Variants in FANCA observed in about 807,000 individuals in gnomAD.
FANCA encodes the protein Fanconi anemia group A protein.
Under a neutral mutation model 194.3 loss-of-function variants are expected in FANCA, and 236 were observed. The ratio of observed to expected loss-of-function variants is 1.21; its 90% CI spans 1.09 to 1.35. The LOEUF (loss-of-function observed/expected upper bound fraction) is 1.35, where lower values mean the gene tolerates loss of function less well. Ranked by LOEUF, FANCA falls within the 40% of genes most tolerant of loss-of-function variation. The pLI is 0.00. For synonymous variants in FANCA, 1,014 were observed against 715.8 expected (o/e 1.42, Z -6.65); for missense variants, 2,628 against 1,813.9 (o/e 1.45, Z -8.15).
intron 1 of FANCA, 50 bp from the exon 2 acceptor site, chr16:89,816,036 G>A (rs1368308881): frequency 6.9e-7 from 1 of 1,441,882 alleles, no homozygotes; most frequent in Admixed American, 1.7e-5. Context: ...TCACACACGG[G>A]GTCCCCGGCC....
At position 89,738,884 on chromosome 16, in the gene FANCA, C is replaced by A. The variant is rs984285795; in HGVS notation, c.4258G>T (p.Glu1420Ter). Residue 1420 changes from glutamate (E) to a stop codon, truncating the protein, a stop_gained and splice_region_variant, in exon 42 of 43, where the codon GAG becomes TAG. Coordinates refer to ENST00000389301, the MANE Select transcript of FANCA (RefSeq NM_000135.4). LOFTEE classifies it low-confidence loss of function (END_TRUNC). ...CPKKSFSHVA[E>*]LLADRGDCDP... ...CAAGGTGGGCATCTTGACGTTACCT[C>A]TGCCACGTGTGAGAAGCTCTTTTTC... 1.9e-6 allele frequency: 3 copies of A among 1,614,264 alleles called. No individual in the cohort carries two copies. Among genetic ancestry groups the A allele is most frequent in the African/African-American group, 2.7e-5 (2 of 75,084 alleles).
Position 89,792,066 on chromosome 16 carries a change from G to C in FANCA, c.1086C>G (p.Leu362=). 1 of 1,614,148 alleles carries C rather than the reference G, an allele frequency of 6.2e-7. No homozygotes were observed. The highest frequency in any genetic ancestry group is 8.5e-7 in the Non-Finnish European group (1 of 1,180,020). Residue 362 remains leucine, a splice_region_variant and synonymous_variant, in exon 13 of 43, where the codon CTC becomes CTG. Coordinates refer to ENST00000389301, the MANE Select transcript of FANCA (RefSeq NM_000135.4). ...HPLLTSLYRR[L]FVMLSAEELV... ...ACTCCTCTGCACTCAGCATCACAAAGAGCTGAAATAAAAGCATCCGCTCCC... is the reference window on the plus strand; with the variant it reads ...ACTCCTCTGCACTCAGCATCACAAACAGCTGAAATAAAAGCATCCGCTCCC...
intron 29 of FANCA, among the ~76,000 whole-genome samples, chr16:89,759,879 G>A (rs935592806): frequency 2.0e-5 from 3 of 152,226 alleles, no homozygotes; most frequent in African/African-American, 7.2e-5. Context: ...GCTAGGGAGT[G>A]TGTGCTCTCC....
rs142833057 is a variant in FANCA, at chr16:89,746,615, G to T, written c.3482C>A (p.Thr1161Lys). The T allele has an allele frequency of 5.0e-6, 8 of 1,614,166 alleles. No homozygotes were observed. In the East Asian group the frequency reaches 1.8e-4, roughly 36 times the overall value. Reference sequence around the variant, plus strand: ...AGAGGTCAAAATTAAGGGGCATTTCGTCTGGCACTTGGCCAGTATGAAGTC... The same window carrying T: ...AGAGGTCAAAATTAAGGGGCATTTCTTCTGGCACTTGGCCAGTATGAAGTC... ...MVDFILAKCQ[T>K]KCPLILTSAL... The change falls in exon 35 of 43, where the codon ACG becomes AAG. Residue 1161 changes from threonine to lysine, a missense_variant. By Grantham distance (78) the Thr-to-Lys change is moderately conservative. Coordinates refer to ENST00000389301, the MANE Select transcript of FANCA (RefSeq NM_000135.4).
At chr16:89,759,197 G>A (rs554431699) in intron 29 of FANCA, among the ~76,000 whole-genome samples, 3 of 151,696 alleles carry the variant, frequency 2.0e-5, no homozygotes, top group Non-Finnish European at 2.9e-5. Flanking sequence ...GTGGGCGCCT[G>A]TAGTCCCAGC....
In FANCA at chr16:89,748,763, G is replaced by A. The variant is rs2038477938; in HGVS notation, c.3244C>T (p.Leu1082Phe). 3.1e-6 allele frequency: 5 copies of A among 1,613,718 alleles called. No homozygotes were observed. Among genetic ancestry groups the A allele is most frequent in the Middle Eastern group, 1.7e-4 (1 of 6,060 alleles). Residue 1082 changes from leucine to phenylalanine, a missense_variant, in exon 33 of 43, where the codon CTC becomes TTC. By Grantham distance (22) the Leu-to-Phe change is conservative (BLOSUM62 0). Coordinates refer to ENST00000389301, the MANE Select transcript of FANCA (RefSeq NM_000135.4). ...QRELLMYKRILLRLPSSVLCG... is the reference protein window; with the variant it reads ...QRELLMYKRIFLRLPSSVLCG... ...AGGACAGACGAAGGCAGGCGGAGGAGGATCCTGGAAAGAAGGGGCTGTATT... is the reference window on the plus strand; with the variant it reads ...AGGACAGACGAAGGCAGGCGGAGGAAGATCCTGGAAAGAAGGGGCTGTATT...
chr16:89,794,724 A>G (rs1172610369), intron 11 of FANCA, among the ~76,000 whole-genome samples: 1 of 152,032 alleles, frequency 6.6e-6, no homozygotes, highest in Non-Finnish European at 1.5e-5. Flanking sequence ...TACCCTGGGG[A>G]TATGCTAGAT....
intron 11 of FANCA, among the ~76,000 whole-genome samples, chr16:89,794,056 T>C (rs1030794499): frequency 2.7e-5 from 4 of 150,198 alleles, no homozygotes; most frequent in African/African-American, 9.8e-5. Context: ...GGCCAAAAAG[T>C]TGTGTTTCAA....
At position 89,758,658 on chromosome 16, in the gene FANCA, G is replaced by T; in HGVS notation, c.2900C>A (p.Ser967Tyr). ...WAIHEHFLPE[S>Y]SASGGCDGDL... ...TCCGTCACAGCCCCCTGAAGCCGAG[G>T]ACTCAGGGAGAAAGTGCTCATGGAT... Residue 967 changes from serine (S) to tyrosine (Y), a missense_variant, in exon 30 of 43, where the codon TCC becomes TAC. Transcript: ENST00000389301. The T allele has an allele frequency of 6.2e-7, 1 of 1,614,068 alleles. No homozygotes were observed. The highest frequency in any genetic ancestry group is 1.1e-5 in the South Asian group (1 of 91,076).
intron 14 of FANCA, among the ~76,000 whole-genome samples, chr16:89,788,932 ACAC>A (rs1227772421): frequency 6.6e-6 from 1 of 152,108 alleles, no homozygotes; most frequent in Non-Finnish European, 1.5e-5. Flanking sequence ...CAAAACCAAA[ACAC>A]CACCACCAAC....
chr16:89,807,001 G>A (rs1025812899), intron 6 of FANCA, among the ~76,000 whole-genome samples: 23 of 152,030 alleles, frequency 1.5e-4, no homozygotes, highest in African/African-American at 4.8e-4. Context: ...CCTCCCTCCC[G>A]GACGGGGCGG....
intron 21 of FANCA, among the ~76,000 whole-genome samples, chr16:89,775,057 G>A (rs1232311188): frequency 6.6e-6 from 1 of 151,536 alleles, no homozygotes; most frequent in Non-Finnish European, 1.5e-5. Flanking sequence ...TCGCGCCACT[G>A]CAGTCCACAG....
intron 26 of FANCA, among the ~76,000 whole-genome samples, chr16:89,768,467 C>A (rs2039205771): frequency 6.6e-6 from 1 of 152,062 alleles, no homozygotes; most frequent in South Asian, 2.1e-4. Flanking sequence ...ACCAGCCTGG[C>A]CAACATGGCA....
chr16:89,770,507 A>G, intron 24 of FANCA, 57 bp downstream of exon 24: 1 of 1,504,466 alleles, frequency 6.6e-7, no homozygotes, highest in East Asian at 2.4e-5. Flanking sequence ...GACTTGGCCC[A>G]GCAAGAGGTG....
At chr16:89,775,195 C>A (rs944460592) in intron 21 of FANCA, among the ~76,000 whole-genome samples, 2 of 152,134 alleles carry the variant, frequency 1.3e-5, no homozygotes, top group Non-Finnish European at 2.9e-5. Flanking sequence ...AAGCCACACA[C>A]TTCAAGAAAA....
rs1162591065 is a variant in FANCA, at chr16:89,773,348, G to A, written c.1937C>T (p.Ala646Val). The change falls in exon 22 of 43, where the codon GCT becomes GTT. Residue 646 changes from alanine to valine, a missense_variant. Ala to Val is a moderately conservative substitution (Grantham distance 64). Transcript: ENST00000389301. ...TGTGAGCTGTCCCAGGGGCTCCTCA[G>A]CAGAGTTGGGTTCTGCCCTCACTCC... ...ALGVRAEPNS[A>V]EEPLGQLTAA... is the part of the protein sequence containing the mutation. 6.4e-7 allele frequency: 1 copy of A among 1,551,580 alleles called. No homozygotes were observed. Among genetic ancestry groups the A allele is most frequent in the Admixed American group, 2.0e-5 (1 of 51,004 alleles).
At chr16:89,770,065 C>A (rs2039269766) in intron 25 of FANCA, 41 bp from the exon 26 acceptor site, 1 of 1,601,562 alleles carries the variant, frequency 6.2e-7, no homozygotes, top group Admixed American at 1.7e-5. Flanking sequence ...CTGCCCTCTT[C>A]CAAGCTGGAA....
intron 14 of FANCA, among the ~76,000 whole-genome samples, chr16:89,790,828 ATTTTCTTTT>A (rs1285073350): frequency 2.0e-5 from 3 of 150,950 alleles, no homozygotes; most frequent in Admixed American, 2.0e-4. Context: ...GATTTCACTC[ATTTTCTTTT>A]TTTTCTTTTT....
intron 22 of FANCA, 30 bp downstream of exon 22, chr16:89,773,241 G>C: frequency 6.7e-7 from 1 of 1,501,060 alleles, no homozygotes; most frequent in Non-Finnish European, 9.1e-7. Context: ...GCACACATGA[G>C]ACACAGCATG....
Sources: allele counts gnomAD v4.1 joint callset (sites outside exome capture counted in the v4.1 genomes callset), GRCh38; gene constraint gnomAD v4.1.1; transcripts MANE v1.5; gene names NCBI Gene and HGNC (gene_info 2026-07-23, HGNC 2026-07-21).